The following GAS7 variants were observed in gnomAD, a reference collection of about 807,000 sequenced individuals.
GAS7 encodes the protein growth arrest specific 7, also known as growth arrest-specific protein 7.
GAS7 carries 28 observed loss-of-function variants against 71.1 expected under a neutral mutation model. That is an observed-to-expected ratio of 0.39 (90% CI 0.29 to 0.54). GAS7 has a LOEUF of 0.54. Ranked by LOEUF, GAS7 falls within the 20% of genes least tolerant of loss-of-function variation. The probability of loss-of-function intolerance (pLI) is 0.62; values close to 1 mark genes in which losing one functional copy is unlikely to be tolerated. For missense variants in GAS7, 436 were observed against 627.8 expected (o/e 0.69, Z 3.27); for synonymous variants, 258 against 245.8 (o/e 1.05, Z -0.46).
chr17:10,138,217 G>C (rs942102290), intron 1 of GAS7, among the ~76,000 whole-genome samples: 1 of 151,604 alleles, frequency 6.6e-6, no homozygotes, highest in African/African-American at 2.4e-5. Context: ...CGCCCGCCTC[G>C]GCCTCCCAAA....
At chr17:10,180,491 G>A (rs1434361327) in intron 1 of GAS7, among the ~76,000 whole-genome samples, 2 of 151,964 alleles carry the variant, frequency 1.3e-5, no homozygotes, top group Non-Finnish European at 2.9e-5. Flanking sequence ...CCCACAAATC[G>A]AGAACACCCC....
intron 2 of GAS7, among the ~76,000 whole-genome samples, chr17:9,991,190 C>T (rs1388093898): frequency 6.6e-6 from 1 of 152,204 alleles, no homozygotes; most frequent in Non-Finnish European, 1.5e-5. Context: ...AAGCTGGATC[C>T]CTGCCTCACC....
intron 2 of GAS7, among the ~76,000 whole-genome samples, chr17:9,986,105 C>G (rs558677071): frequency 6.6e-6 from 1 of 152,340 alleles, no homozygotes; most frequent in South Asian, 2.1e-4. Context: ...CTCTCAAATA[C>G]GGCACCTGGC....
At chr17:10,009,665 C>T (rs1207682768) in intron 2 of GAS7, among the ~76,000 whole-genome samples, 3 of 141,362 alleles carry the variant, frequency 2.1e-5, no homozygotes, top group East Asian at 2.0e-4. Flanking sequence ...TAGCAAGACC[C>T]CTTCTCAAAA....
chr17:9,996,759 C>A (rs1187955269), intron 2 of GAS7, among the ~76,000 whole-genome samples: 1 of 151,910 alleles, frequency 6.6e-6, no homozygotes, highest in Non-Finnish European at 1.5e-5. Context: ...CTGCCTCAGC[C>A]TCCTGAGTAG....
intron 1 of GAS7, chr17:10,036,811 T>C (rs1277925052): frequency 7.0e-6 from 7 of 995,892 alleles, no homozygotes; most frequent in East Asian, 4.9e-5. Flanking sequence ...AAACGTTGGC[T>C]GAGGTCACAA....
At position 10,123,845 on chromosome 17, in the gene GAS7, T is replaced by C. The variant is rs113077927; in HGVS notation, c.183+74363A>G. Among the ~76,000 whole-genome samples, 5 of 152,278 alleles carry C rather than the reference T, an allele frequency of 3.3e-5. 1 individual carries two copies. The highest frequency in any genetic ancestry group is 1.2e-4 in the African/African-American group (5 of 41,564). ...AGCTGATTTGAGACAAGCCCCTCCA[T>C]CTTGAGCAGAGCCTGGAGACAGTGG... On this transcript the variant is annotated intron_variant, in intron 1 of 13. Coordinates refer to ENST00000432992, the MANE Select transcript of GAS7 (RefSeq NM_201433.2).
chr17:9,971,816 G>T lies in GAS7; in HGVS notation c.386-2054C>A, dbSNP rs557277883. 7.2e-5 allele frequency among the ~76,000 whole-genome samples: 11 copies of T among 152,316 alleles called. No individual in the cohort carries two copies. In the East Asian group the frequency reaches 1.9e-3, roughly 27 times the overall value. On this transcript the variant is annotated intron_variant, in intron 3 of 13. Coordinates refer to ENST00000432992, the MANE Select transcript of GAS7 (RefSeq NM_201433.2). ...CTATAGCGTGGCAGGAAGCACAGGA[G>T]AATATGGCTGAAAGTTACCACCAAC...
At chr17:10,017,510 G>A (rs1017642109) in intron 2 of GAS7, among the ~76,000 whole-genome samples, 2 of 152,016 alleles carry the variant, frequency 1.3e-5, no homozygotes, top group Non-Finnish European at 2.9e-5. Flanking sequence ...GATATTTTTA[G>A]TAGAGACGGG....
At chr17:10,176,017 C>T (rs759522533) in intron 1 of GAS7, among the ~76,000 whole-genome samples, 1 of 152,194 alleles carries the variant, frequency 6.6e-6, no homozygotes, top group Non-Finnish European at 1.5e-5. Flanking sequence ...GACAATGAAC[C>T]CTCTGATCCT....
chr17:10,123,579 T>A (rs2073921546), intron 1 of GAS7, among the ~76,000 whole-genome samples: 1 of 152,204 alleles, frequency 6.6e-6, no homozygotes, highest in Non-Finnish European at 1.5e-5. Flanking sequence ...ACTCTGATCA[T>A]CACTCAAACA....
At chr17:10,031,770 C>T (rs935390941) in intron 1 of GAS7, among the ~76,000 whole-genome samples, 6 of 152,202 alleles carry the variant, frequency 3.9e-5, no homozygotes, top group Admixed American at 1.3e-4. Flanking sequence ...TGAGATGGCC[C>T]GTCCTTTTCG....
intron 1 of GAS7, among the ~76,000 whole-genome samples, chr17:10,153,519 CA>C (rs11476862): frequency 0.53 from 62,797 of 117,792 alleles, 13,470 homozygotes; most frequent in East Asian, 0.69. Context: ...CTTTGACTCA[CA>C]AAAAAAAAAA....
intron 4 of GAS7, among the ~76,000 whole-genome samples, chr17:9,962,807 C>T (rs556112873): frequency 2.6e-5 from 4 of 152,290 alleles, no homozygotes; most frequent in Middle Eastern, 6.8e-3. Context: ...AAGGAGAAAT[C>T]TGGCAGTCAG....
rs562392425 is a variant in GAS7 at position 10,143,409 on chromosome 17, T to C, written c.183+54799A>G. Among the ~76,000 whole-genome samples, 210 of 152,110 alleles carry C rather than the reference T, an allele frequency of 1.4e-3. 1 individual carries two copies. The highest frequency in any genetic ancestry group is 5.0e-3 in the African/African-American group (206 of 41,478). ...TACAAAAAATTAGCTGGGTATGTTG[T>C]GTGTCCCCTATAATCCCAGCTACTC... On this transcript the variant is annotated intron_variant, in intron 1 of 13. Coordinates refer to ENST00000432992, the MANE Select transcript of GAS7 (RefSeq NM_201433.2).
chr17:10,097,689 C>T (rs1013666725), intron 1 of GAS7, among the ~76,000 whole-genome samples: 3 of 152,200 alleles, frequency 2.0e-5, no homozygotes, highest in East Asian at 1.9e-4. Flanking sequence ...ATGGCAGGCA[C>T]GACAGGTACA....
At chr17:10,039,160 C>A (rs990213019) in intron 1 of GAS7, among the ~76,000 whole-genome samples, 1 of 151,576 alleles carries the variant, frequency 6.6e-6, no homozygotes. Context: ...ATACTCAAAG[C>A]CACTGAACTA....
chr17:10,171,607 A>C (rs1856761416), intron 1 of GAS7, among the ~76,000 whole-genome samples: 1 of 152,238 alleles, frequency 6.6e-6, no homozygotes, highest in South Asian at 2.1e-4. Flanking sequence ...CAAATGCATA[A>C]GGATTCATTT....
At chr17:10,142,215 C>CA (rs11435397) in intron 1 of GAS7, among the ~76,000 whole-genome samples, 120,459 of 140,658 alleles carry the variant, frequency 0.86, 51,367 homozygotes, top group East Asian at 0.97. Context: ...GACTCTGTCT[C>CA]AAAAAAAAAA....
Sources: allele counts gnomAD v4.1 joint callset (sites outside exome capture counted in the v4.1 genomes callset), GRCh38; gene constraint gnomAD v4.1.1; transcripts MANE v1.5; gene names NCBI Gene and HGNC (gene_info 2026-07-23, HGNC 2026-07-21).